Variants in PPP2R2A observed in about 807,000 individuals in gnomAD.
PPP2R2A encodes serine/threonine-protein phosphatase 2A 55 kDa regulatory subunit B alpha isoform.
Under a neutral mutation model 53.2 loss-of-function variants are expected in PPP2R2A, and 9 were observed. That is an observed-to-expected ratio of 0.17 (90% CI 0.10 to 0.30). The LOEUF (loss-of-function observed/expected upper bound fraction) is 0.30. Among genes scored for constraint, PPP2R2A ranks in the 10% least tolerant of loss-of-function variants. The pLI, the probability that PPP2R2A is intolerant of heterozygous loss-of-function variation, is 1.00. For synonymous variants in PPP2R2A, 169 were observed against 174.2 expected (o/e 0.97, Z 0.23); for missense variants, 235 against 534.6 (o/e 0.44, Z 5.53).
rs563215868 is a variant in PPP2R2A, at chr8:26,354,214, T to G, written c.181-254T>G. Among the ~76,000 whole-genome samples the G allele has an allele frequency of 1.1e-4, 16 of 152,164 alleles. No individual in the cohort carries two copies. Among genetic ancestry groups the G allele is most frequent in the Non-Finnish European group, 2.2e-4 (15 of 68,032 alleles). ...CATAAGAGTAAATTAGCAATCAAAT[T>G]GATCCATATTTAACGTCATTATTTC... On this transcript the variant is annotated intron_variant, in intron 3 of 9. Coordinates refer to ENST00000380737, the MANE Select transcript of PPP2R2A (RefSeq NM_002717.4). This position sits in a 1 kb window ranked among gnomAD's most constrained non-coding sequence, Gnocchi z 4.6.
At chr8:26,310,139 G>A (rs1802209308) in intron 2 of PPP2R2A, among the ~76,000 whole-genome samples, 1 of 144,288 alleles carries the variant, frequency 6.9e-6, no homozygotes, top group African/African-American at 2.6e-5. Context: ...AAATTAGCTG[G>A]GTGTGGTGGC....
chr8:26,342,345 G>C (rs964847401), intron 3 of PPP2R2A, among the ~76,000 whole-genome samples: 1 of 152,184 alleles, frequency 6.6e-6, no homozygotes, highest in African/African-American at 2.4e-5. Context: ...GTAAATGATA[G>C]GGTATATTCT....
intron 2 of PPP2R2A, among the ~76,000 whole-genome samples, chr8:26,326,860 A>G (rs2117284795): frequency 6.6e-6 from 1 of 152,344 alleles, no homozygotes; most frequent in Admixed American, 6.5e-5. Context: ...TAACATATGT[A>G]ACAGTTATAT....
intron 2 of PPP2R2A, among the ~76,000 whole-genome samples, chr8:26,310,040 T>C (rs1185790288): frequency 1.3e-5 from 2 of 151,092 alleles, no homozygotes; most frequent in Non-Finnish European, 2.9e-5. Flanking sequence ...CCTAGCACTT[T>C]GGGAGGCTGA....
At chr8:26,329,831 A>AT (rs1032669856) in intron 2 of PPP2R2A, among the ~76,000 whole-genome samples, 24 of 151,960 alleles carry the variant, frequency 1.6e-4, no homozygotes, top group African/African-American at 2.9e-4. Flanking sequence ...AAATGTTGGG[A>AT]TTTTTTTTAC....
intron 2 of PPP2R2A, among the ~76,000 whole-genome samples, chr8:26,327,228 A>G (rs1436321403): frequency 6.6e-6 from 1 of 152,192 alleles, no homozygotes; most frequent in Non-Finnish European, 1.5e-5. Context: ...GCCCTGACGT[A>G]AGGAAAGTAG....
intron 2 of PPP2R2A, among the ~76,000 whole-genome samples, chr8:26,303,286 A>G (rs944771251): frequency 5.2e-4 from 79 of 152,266 alleles, no homozygotes; most frequent in African/African-American, 1.9e-3. Context: ...CCAGTAACAT[A>G]TTTGCCAGAA....
At position 26,362,069 on chromosome 8, in the gene PPP2R2A, A is replaced by G. The variant is rs577755482; in HGVS notation, c.638-615A>G. ...AGATTAGATTAAGATTAATTTTAAGATTAGAAAAAGATTAATAATTAGATT... is the reference window on the plus strand; with the variant it reads ...AGATTAGATTAAGATTAATTTTAAGGTTAGAAAAAGATTAATAATTAGATT... On this transcript the variant is annotated intron_variant, in intron 6 of 9. Coordinates refer to ENST00000380737, the MANE Select transcript of PPP2R2A (RefSeq NM_002717.4). This position sits in a 1 kb window ranked among gnomAD's most constrained non-coding sequence, Gnocchi z 4.4. Among the ~76,000 whole-genome samples the G allele has an allele frequency of 4.0e-5, 6 of 150,492 alleles. No homozygotes were observed. Among genetic ancestry groups the G allele is most frequent in the Non-Finnish European group, 7.4e-5 (5 of 67,648 alleles).
intron 4 of PPP2R2A, among the ~76,000 whole-genome samples, chr8:26,359,528 A>G (rs756564044): frequency 6.6e-6 from 1 of 152,208 alleles, no homozygotes; most frequent in African/African-American, 2.4e-5. Flanking sequence ...ATGCCATTTT[A>G]TATATCCTTG....
At chr8:26,300,121 T>C (rs990460771) in intron 2 of PPP2R2A, among the ~76,000 whole-genome samples, 4 of 152,176 alleles carry the variant, frequency 2.6e-5, no homozygotes, top group African/African-American at 9.7e-5. Flanking sequence ...TCACATTCAT[T>C]TGACAAAAAA....
chr8:26,333,849 GAA>G (rs1803510732), intron 2 of PPP2R2A, among the ~76,000 whole-genome samples: 1 of 152,120 alleles, frequency 6.6e-6, no homozygotes, highest in African/African-American at 2.4e-5. Flanking sequence ...ACTCACAAAA[GAA>G]AGCAATTATT....
intron 2 of PPP2R2A, among the ~76,000 whole-genome samples, chr8:26,309,844 A>T (rs1001246392): frequency 1.3e-5 from 2 of 152,168 alleles, no homozygotes; most frequent in African/African-American, 4.8e-5. Context: ...GAGGTGCTTC[A>T]TGGCATTCCA....
At chr8:26,339,068 A>T in intron 3 of PPP2R2A, 81 bp downstream of exon 3, 1 of 1,040,028 alleles carries the variant, frequency 9.6e-7, no homozygotes, top group Non-Finnish European at 1.5e-6. Flanking sequence ...ATCTCATCAG[A>T]GGATGTTGGA....
At chr8:26,364,710 CAAA>C (rs779785038) in intron 8 of PPP2R2A, among the ~76,000 whole-genome samples, 10 of 152,250 alleles carry the variant, frequency 6.6e-5, no homozygotes, top group Non-Finnish European at 1.3e-4. Context: ...TGCACTGAAA[CAAA>C]AGACAAAATA....
At chr8:26,341,882 A>G (rs1803961127) in intron 3 of PPP2R2A, among the ~76,000 whole-genome samples, 1 of 152,208 alleles carries the variant, frequency 6.6e-6, no homozygotes, top group Admixed American at 6.5e-5. Context: ...TGACATCTGT[A>G]ACCCCTCATT....
At chr8:26,337,756 A>C (rs1021005604) in intron 2 of PPP2R2A, among the ~76,000 whole-genome samples, 8 of 152,220 alleles carry the variant, frequency 5.3e-5, no homozygotes, top group African/African-American at 1.7e-4. Flanking sequence ...GAGCACTTAA[A>C]TATGTGCAGT....
chr8:26,298,344 C>A (rs1372966711), intron 2 of PPP2R2A, among the ~76,000 whole-genome samples: 3 of 152,234 alleles, frequency 2.0e-5, no homozygotes, highest in African/African-American at 7.2e-5. Context: ...AACTCTTCCG[C>A]TGGGTTCCTT....
At chr8:26,341,898 C>T (rs971426393) in intron 3 of PPP2R2A, among the ~76,000 whole-genome samples, 5 of 152,126 alleles carry the variant, frequency 3.3e-5, no homozygotes, top group Non-Finnish European at 7.3e-5. Flanking sequence ...TCATTGTCTG[C>T]CTCATTTATT....
intron 2 of PPP2R2A, among the ~76,000 whole-genome samples, chr8:26,302,265 A>C (rs955103990): frequency 1.8e-4 from 27 of 152,244 alleles, no homozygotes; most frequent in South Asian, 8.3e-4. Context: ...ATGAAATTTG[A>C]GCTTTCAAGC....
Sources: allele counts gnomAD v4.1 joint callset (sites outside exome capture counted in the v4.1 genomes callset), GRCh38; gene constraint gnomAD v4.1.1; non-coding constraint Gnocchi (gnomAD v3.1); transcripts MANE v1.5; gene names NCBI Gene and HGNC (gene_info 2026-07-23, HGNC 2026-07-21).